Variants in AMBRA1 observed in about 807,000 individuals in gnomAD.
AMBRA1 encodes autophagy and beclin 1 regulator 1.
Under a neutral mutation model 125.4 loss-of-function variants are expected in AMBRA1, and 47 were observed. The ratio of observed to expected loss-of-function variants is 0.37; its 90% confidence interval spans 0.30 to 0.48. The LOEUF is 0.48. AMBRA1 is among the 20% of genes least tolerant of loss of function. The probability of loss-of-function intolerance (pLI) is 0.99; values close to 1 mark genes in which losing one functional copy is unlikely to be tolerated. For synonymous variants in AMBRA1, 626 were observed against 655.5 expected (o/e 0.95, Z 0.69); for missense variants, 1,331 against 1,693.4 (o/e 0.79, Z 3.76).
At chr11:46,568,614 G>T (rs1322322307) in intron 1 of AMBRA1, among the ~76,000 whole-genome samples, 3 of 148,780 alleles carry the variant, frequency 2.0e-5, no homozygotes, top group Non-Finnish European at 4.5e-5. Flanking sequence ...CTACTAAAAA[G>T]ATATAAAATA....
chr11:46,553,755 C>A (rs1467496939), intron 1 of AMBRA1, among the ~76,000 whole-genome samples: 1 of 150,238 alleles, frequency 6.7e-6, no homozygotes, highest in Non-Finnish European at 1.5e-5. Context: ...AAAAAAAAAA[C>A]ACAAAAACAA....
intron 15 of AMBRA1, among the ~76,000 whole-genome samples, chr11:46,413,649 C>G (rs1226359447): frequency 6.6e-6 from 1 of 152,166 alleles, no homozygotes; most frequent in Non-Finnish European, 1.5e-5. Context: ...TGCCACCATG[C>G]CTGGCTAATT....
rs796432810 is a variant in AMBRA1 at position 46,559,249 on chromosome 11, G to A, written c.-120-10749C>T. The stretch of plus-strand genomic sequence containing the variant: ...CGGGAGGCAGAGGTTGCAGTGAGCC[G>A]AGATCACGCCACTGTACTCCGCCTG... On this transcript the variant is annotated intron_variant, in intron 1 of 17. Transcript: ENST00000683756. Among the ~76,000 whole-genome samples the A allele has an allele frequency of 2.6e-5, 4 of 151,860 alleles. No homozygotes were observed. The South Asian group carries it at 8.3e-4, about 32-fold the overall frequency.
chr11:46,516,073 A>C (rs1018979623), intron 7 of AMBRA1, among the ~76,000 whole-genome samples: 8 of 152,186 alleles, frequency 5.3e-5, no homozygotes, highest in African/African-American at 1.9e-4. Context: ...CAAAATATGA[A>C]GCTTTGTTGC....
chr11:46,563,520 C>T (rs1477022283), intron 1 of AMBRA1, among the ~76,000 whole-genome samples: 1 of 152,106 alleles, frequency 6.6e-6, no homozygotes, highest in Non-Finnish European at 1.5e-5. Flanking sequence ...CCACACGGCA[C>T]CCTGATGAGA....
chr11:46,413,779 C>A (rs1352034942), intron 15 of AMBRA1, among the ~76,000 whole-genome samples: 1 of 152,246 alleles, frequency 6.6e-6, no homozygotes, highest in Non-Finnish European at 1.5e-5. Context: ...GCATGAGCCA[C>A]CATGCCCGGC....
At chr11:46,431,140 G>A (rs1454255056) in intron 14 of AMBRA1, among the ~76,000 whole-genome samples, 2 of 152,156 alleles carry the variant, frequency 1.3e-5, no homozygotes, top group Non-Finnish European at 2.9e-5. Flanking sequence ...CAGACTGGGT[G>A]GACACTTGGT....
At chr11:46,514,579 C>T (rs142001347) in intron 7 of AMBRA1, among the ~76,000 whole-genome samples, 1 of 152,108 alleles carries the variant, frequency 6.6e-6, no homozygotes, top group Non-Finnish European at 1.5e-5. Context: ...CACTTTTCAC[C>T]TTTGAATGTG....
At position 46,531,759 on chromosome 11, in the gene AMBRA1, C is replaced by T. The variant is rs548045257; in HGVS notation, c.2072+10186G>A. Among the ~76,000 whole-genome samples the T allele has an allele frequency of 6.6e-5, 10 of 151,592 alleles. 1 individual carries two copies. The highest frequency in any genetic ancestry group is 6.6e-4 in the Admixed American group (10 of 15,232). On this transcript the variant is annotated intron_variant, in intron 7 of 17. Transcript: ENST00000683756. ...ATCCCTCCTTCACTCTATCCTCATT[C>T]CCATATTGCCAAAGAGAAAATGGGT...
At chr11:46,505,454 G>A (rs77774199) in intron 9 of AMBRA1, among the ~76,000 whole-genome samples, 5,498 of 152,134 alleles carry the variant, frequency 0.036, 332 homozygotes, top group African/African-American at 0.13. Context: ...TAATGTTGAG[G>A]TGACTAATCC....
intron 7 of AMBRA1, among the ~76,000 whole-genome samples, chr11:46,515,114 T>C (rs1425655710): frequency 1.3e-5 from 2 of 152,182 alleles, no homozygotes; most frequent in African/African-American, 4.8e-5. Context: ...TGTTGTGTTA[T>C]CCTCCAAGTG....
intron 7 of AMBRA1, 130 bp downstream of exon 7, chr11:46,541,815 C>A: frequency 7.9e-7 from 1 of 1,260,882 alleles, no homozygotes; most frequent in Non-Finnish European, 1.1e-6. Context: ...CAAGAAAATG[C>A]AATGGCGAGA....
intron 11 of AMBRA1, among the ~76,000 whole-genome samples, chr11:46,446,591 T>C (rs953591992): frequency 1.3e-5 from 2 of 152,172 alleles, no homozygotes; most frequent in African/African-American, 4.8e-5. Context: ...CAGATAATTA[T>C]TTGTGTGAAG....
rs187628629 is a variant in AMBRA1 at position 46,525,683 on chromosome 11, G to A, written c.2073-12870C>T. 2.4e-3 allele frequency among the ~76,000 whole-genome samples: 367 copies of A among 151,962 alleles called. 2 individuals are homozygous for A. Among genetic ancestry groups the A allele is most frequent in the Non-Finnish European group, 1.8e-3 (124 of 67,942 alleles). Reference sequence around the variant, plus strand: ...GAAGAATCATTTGAATCCGGGAGGCGGAAGTTGCAGTGACCCGAGATCGTG... The same window carrying A: ...GAAGAATCATTTGAATCCGGGAGGCAGAAGTTGCAGTGACCCGAGATCGTG... On this transcript the variant is annotated intron_variant, in intron 7 of 17. Coordinates refer to ENST00000683756, the MANE Select transcript of AMBRA1 (RefSeq NM_001387011.1).
At chr11:46,530,812 G>A (rs1284797352) in intron 7 of AMBRA1, among the ~76,000 whole-genome samples, 6 of 152,146 alleles carry the variant, frequency 3.9e-5, no homozygotes, top group Admixed American at 2.6e-4. Flanking sequence ...TTTATGACTC[G>A]TGAAAATTAT....
intron 7 of AMBRA1, among the ~76,000 whole-genome samples, chr11:46,525,642 T>C (rs555897959): frequency 1.7e-4 from 26 of 152,010 alleles, no homozygotes; most frequent in Non-Finnish European, 3.2e-4. Flanking sequence ...TCCCAGCTAC[T>C]CTGGTGGCTG....
At chr11:46,587,272 C>T (rs1035427861) in intron 1 of AMBRA1, among the ~76,000 whole-genome samples, 4 of 151,936 alleles carry the variant, frequency 2.6e-5, no homozygotes, top group African/African-American at 4.8e-5. Context: ...CCCAGCTACT[C>T]GGGAGGCTGA....
At chr11:46,481,593 CT>C (rs1950073221) in intron 11 of AMBRA1, among the ~76,000 whole-genome samples, 1 of 152,106 alleles carries the variant, frequency 6.6e-6, no homozygotes, top group Non-Finnish European at 1.5e-5. Context: ...GAACTCCCGA[CT>C]TCAGGTGATC....
chr11:46,399,788 T>C (rs1945641909), intron 17 of AMBRA1, among the ~76,000 whole-genome samples: 1 of 152,154 alleles, frequency 6.6e-6, no homozygotes, highest in African/African-American at 2.4e-5. Flanking sequence ...CCTGATGCCA[T>C]ATTTCCCGGA....
Sources: gnomAD v4.1 joint callset for allele counts (sites outside exome capture counted in the v4.1 genomes callset) on GRCh38, gnomAD v4.1.1 for gene constraint, MANE v1.5 for transcripts, NCBI Gene and HGNC (gene_info 2026-07-23, HGNC 2026-07-21) for gene names.